SMAD1: variants seen among roughly 807,000 people sequenced by gnomAD.
SMAD1 encodes the protein MAD, mothers against decapentaplegic homolog 1.
Under a neutral mutation model 41.6 loss-of-function variants are expected in SMAD1, and 6 were observed. That is an observed-to-expected ratio of 0.14 (90% CI 0.08 to 0.28). The LOEUF (loss-of-function observed/expected upper bound fraction) is 0.28. Ranked by LOEUF, SMAD1 falls within the 10% of genes least tolerant of loss-of-function variation. SMAD1 has a pLI of 1.00. For missense variants in SMAD1, 379 were observed against 582.6 expected (o/e 0.65, Z 3.60); for synonymous variants, 206 against 203.2 (o/e 1.01, Z -0.12).
chr4:145,535,327 A>C (rs1379816534), intron 2 of SMAD1, among the ~76,000 whole-genome samples: 2 of 152,238 alleles, frequency 1.3e-5, no homozygotes, highest in Non-Finnish European at 2.9e-5. Flanking sequence ...CAGCATTTCC[A>C]CATCTAGGAA....
chr4:145,522,647 T>C (rs1730810722), intron 2 of SMAD1, among the ~76,000 whole-genome samples: 1 of 152,086 alleles, frequency 6.6e-6, no homozygotes, highest in Non-Finnish European at 1.5e-5. Flanking sequence ...TTCACCACAT[T>C]GTGAATGTGT....
Position 145,515,134 on chromosome 4 carries a change from CTGTGTGTGTGTGTGTG to C in SMAD1, c.400+149_400+164del, listed in dbSNP as rs377610507. 2.9e-4 allele frequency: 156 copies of C among 535,720 alleles called. No homozygotes were observed. The South Asian group carries it at 3.6e-3, about 12-fold the overall frequency. The allele number at this position is 535,720 out of a possible 1,614,324, so 33.2% of individuals were successfully genotyped here. A position where few individuals can be genotyped will look rare whatever the true frequency, so the allele number is the denominator to read the frequency against. ...TGTAATTTAAAAATATTTGGGGAAA[CTGTGTGTGTGTGTGTG>C]TGTGTGTGTGTGTGTGTGTGTGTGT... On this transcript the variant is annotated intron_variant, in intron 2 of 6. Coordinates refer to ENST00000302085, the MANE Select transcript of SMAD1 (RefSeq NM_005900.3).
chr4:145,486,173 G>T (rs1012487519), intron 1 of SMAD1, among the ~76,000 whole-genome samples: 2 of 152,074 alleles, frequency 1.3e-5, no homozygotes, highest in Non-Finnish European at 2.9e-5. Flanking sequence ...ATCTTCTGTC[G>T]TTCTTTTGTA....
chr4:145,553,666 AG>A, intron 5 of SMAD1, 117 bp from the exon 6 acceptor site: 1 of 912,368 alleles, frequency 1.1e-6, no homozygotes, highest in Non-Finnish European at 1.7e-6. Flanking sequence ...GAGAATAGCT[AG>A]CTAACTAGCC....
chr4:145,488,943 G>A (rs544546369), intron 1 of SMAD1, among the ~76,000 whole-genome samples: 1 of 152,326 alleles, frequency 6.6e-6, no homozygotes, highest in African/African-American at 2.4e-5. Context: ...GGACATGTGA[G>A]TTTGCATAGG....
intron 1 of SMAD1, among the ~76,000 whole-genome samples, chr4:145,492,624 A>C (rs912650938): frequency 1.3e-5 from 2 of 152,118 alleles, no homozygotes; most frequent in Non-Finnish European, 2.9e-5. Context: ...TGATTATACC[A>C]TTGGCCACTG....
intron 1 of SMAD1, among the ~76,000 whole-genome samples, chr4:145,496,129 A>G (rs1350691234): frequency 6.7e-6 from 1 of 149,852 alleles, no homozygotes; most frequent in African/African-American, 2.5e-5. Context: ...TTTTTTTTTC[A>G]TGTTCTGGGT....
intron 1 of SMAD1, among the ~76,000 whole-genome samples, chr4:145,496,224 A>T (rs1729066492): frequency 6.6e-6 from 1 of 152,044 alleles, no homozygotes; most frequent in Non-Finnish European, 1.5e-5. Context: ...GGAATTTTTT[A>T]AAACTATAAG....
At chr4:145,534,413 G>A (rs146642220) in intron 2 of SMAD1, among the ~76,000 whole-genome samples, 90 of 152,168 alleles carry the variant, frequency 5.9e-4, no homozygotes, top group African/African-American at 1.7e-3. Context: ...TTTTTTTACC[G>A]GAGGTAAACA....
In SMAD1 at chr4:145,539,871, C is replaced by T; in HGVS notation, c.468C>T (p.Phe156=). Reference sequence around the variant, plus strand: ...CTCAGCACAGCCTCTTAGCTCAGTTCCGTAACTTAGGACAAAATGAGCCTC... The same window carrying T: ...CTCAGCACAGCCTCTTAGCTCAGTTTCGTAACTTAGGACAAAATGAGCCTC... ...YNPQHSLLAQ[F]RNLGQNEPHM... The change falls in exon 3 of 7, where the codon TTC becomes TTT. Residue 156 remains phenylalanine, a synonymous_variant. Coordinates refer to ENST00000302085, the MANE Select transcript of SMAD1 (RefSeq NM_005900.3). The T allele has an allele frequency of 6.2e-7, 1 of 1,614,086 alleles. No homozygotes were observed. The highest frequency in any genetic ancestry group is 8.5e-7 in the Non-Finnish European group (1 of 1,179,982).
At chr4:145,513,826 T>G (rs1280174437) in intron 1 of SMAD1, among the ~76,000 whole-genome samples, 1 of 152,256 alleles carries the variant, frequency 6.6e-6, no homozygotes, top group African/African-American at 2.4e-5. Flanking sequence ...TTTTTAACTT[T>G]GTTGCTTTTA....
intron 5 of SMAD1, among the ~76,000 whole-genome samples, chr4:145,553,308 C>G (rs1240464000): frequency 6.6e-6 from 1 of 152,040 alleles, no homozygotes; most frequent in Non-Finnish European, 1.5e-5. Context: ...ATCAGTCATA[C>G]ATCAGCCATC....
At chr4:145,557,015 A>G (rs1732877063) in intron 6 of SMAD1, among the ~76,000 whole-genome samples, 1 of 149,436 alleles carries the variant, frequency 6.7e-6, no homozygotes, top group African/African-American at 2.6e-5. Context: ...GTAGATAGAT[A>G]GCAGAAATAA....
At position 145,493,646 on chromosome 4, in the gene SMAD1, G is replaced by T. The variant is rs1307155265; in HGVS notation, c.-177+11608G>T. 2.6e-5 allele frequency among the ~76,000 whole-genome samples: 4 copies of T among 152,200 alleles called. No homozygotes were observed. In the East Asian group the frequency reaches 7.7e-4, roughly 29 times the overall value. ...AGTTTTGTCAATTTGTGTGGGCTGA[G>T]ATGTTCTGTATTCTAGAAAAGGCTC... On this transcript the variant is annotated intron_variant, in intron 1 of 6. Transcript: ENST00000302085.
chr4:145,530,106 G>T (rs1283002181), intron 2 of SMAD1, among the ~76,000 whole-genome samples: 1 of 152,172 alleles, frequency 6.6e-6, no homozygotes, highest in East Asian at 1.9e-4. Context: ...CCTTTCAAAA[G>T]AAAGAAAATC....
intron 1 of SMAD1, among the ~76,000 whole-genome samples, chr4:145,491,452 A>G (rs1443402191): frequency 6.6e-6 from 1 of 152,180 alleles, no homozygotes; most frequent in Admixed American, 6.5e-5. Context: ...AAAGAAGTAC[A>G]AACTACTAAT....
chr4:145,484,052 T>C (rs1728341443), intron 1 of SMAD1, among the ~76,000 whole-genome samples: 1 of 152,236 alleles, frequency 6.6e-6, no homozygotes, highest in Admixed American at 6.5e-5. Context: ...TTATTACATT[T>C]ATTAGTTAAA....
intron 6 of SMAD1, 48 bp downstream of exon 6, chr4:145,554,088 G>C: frequency 2.2e-6 from 3 of 1,395,116 alleles, no homozygotes; most frequent in Non-Finnish European, 1.9e-6. Flanking sequence ...TACTTTTGCT[G>C]TGCTTTTTTT....
At chr4:145,544,533 A>T (rs1485864349) in intron 4 of SMAD1, 1 of 151,716 alleles carries the variant, frequency 6.6e-6, no homozygotes, top group Non-Finnish European at 1.5e-5. Flanking sequence ...GTGAACTGAG[A>T]TCACACCATT....
Sources: allele counts gnomAD v4.1 joint callset (sites outside exome capture counted in the v4.1 genomes callset), GRCh38; gene constraint gnomAD v4.1.1; transcripts MANE v1.5; gene names NCBI Gene and HGNC (gene_info 2026-07-23, HGNC 2026-07-21).